ZNF385B: variants seen among roughly 807,000 people sequenced by gnomAD.
ZNF385B encodes the protein zinc finger protein 533.
A neutral mutation model predicts 39.2 loss-of-function variants in ZNF385B; 23 were observed. That is an observed-to-expected ratio of 0.59 (90% CI 0.42 to 0.83). The LOEUF (loss-of-function observed/expected upper bound fraction) is 0.83. ZNF385B is among the 40% of genes least tolerant of loss of function. The pLI is 0.00. For synonymous variants in ZNF385B, 205 were observed against 222.6 expected, an observed-to-expected ratio of 0.92 and a Z score of 0.70; for missense variants, 552 against 598.9, an observed-to-expected ratio of 0.92 and a Z score of 0.82.
At chr2:179,771,427 A>C (rs1322725872) in intron 1 of ZNF385B, among the ~76,000 whole-genome samples, 1 of 152,198 alleles carries the variant, frequency 6.6e-6, no homozygotes, top group Non-Finnish European at 1.5e-5. Context: ...TGCAAAACCT[A>C]CTTGTCCCTT....
intron 3 of ZNF385B, among the ~76,000 whole-genome samples, chr2:179,559,330 T>C (rs1461350769): frequency 1.3e-5 from 2 of 148,768 alleles, no homozygotes; most frequent in Non-Finnish European, 3.0e-5. Context: ...AAAAGGTCTC[T>C]AGTGGGTATT....
At position 179,767,104 on chromosome 2, in the gene ZNF385B, C is replaced by T. The variant is rs151216522; in HGVS notation, c.298+2399G>A. 7.4e-4 allele frequency among the ~76,000 whole-genome samples: 113 copies of T among 152,328 alleles called. No individual in the cohort carries two copies. The East Asian group carries it at 0.019, about 25-fold the overall frequency. The stretch of plus-strand genomic sequence containing the variant: ...ACTAACACAGTGTGGAAGAAAGAGG[C>T]ACATACAGTCAAGGAATGAAGGCTT... On this transcript the variant is annotated intron_variant, in intron 3 of 9. Transcript: ENST00000410066.
intron 1 of ZNF385B, among the ~76,000 whole-genome samples, chr2:179,773,687 C>A (rs1385972): frequency 6.6e-6 from 1 of 152,044 alleles, no homozygotes; most frequent in South Asian, 2.1e-4. Context: ...GAGGGCAAGA[C>A]GCCAGGGAGA....
At chr2:179,545,206 A>G (rs1313576902) in intron 3 of ZNF385B, among the ~76,000 whole-genome samples, 1 of 152,194 alleles carries the variant, frequency 6.6e-6, no homozygotes, top group Non-Finnish European at 1.5e-5. Context: ...GCTCAGATTC[A>G]GCCAGGACAC....
intron 5 of ZNF385B, among the ~76,000 whole-genome samples, chr2:179,502,122 C>T (rs1025273818): frequency 2.6e-5 from 4 of 152,244 alleles, no homozygotes; most frequent in Admixed American, 2.6e-4. Flanking sequence ...GGAATGGCAG[C>T]ATTTATCCAA....
intron 5 of ZNF385B, among the ~76,000 whole-genome samples, chr2:179,514,479 G>T (rs2057937028): frequency 6.6e-6 from 1 of 152,140 alleles, no homozygotes; most frequent in Non-Finnish European, 1.5e-5. Flanking sequence ...ATTAGGATAT[G>T]GGCATCTTTG....
At chr2:179,838,593 C>A (rs1708375822) in intron 1 of ZNF385B, among the ~76,000 whole-genome samples, 1 of 152,066 alleles carries the variant, frequency 6.6e-6, no homozygotes, top group Non-Finnish European at 1.5e-5. Flanking sequence ...GTTGCCATTT[C>A]CAAAACAAGA....
intron 3 of ZNF385B, among the ~76,000 whole-genome samples, chr2:179,647,800 C>T (rs908834757): frequency 6.6e-6 from 1 of 152,142 alleles, no homozygotes; most frequent in Non-Finnish European, 1.5e-5. Context: ...GTGGTCTAAG[C>T]CACTTTTTTT....
chr2:179,450,994 G>A lies in ZNF385B; in HGVS notation c.716-4224C>T, dbSNP rs373625762. Among the ~76,000 whole-genome samples, 970 of 149,650 alleles carry A rather than the reference G, an allele frequency of 6.5e-3. 5 individuals are homozygous for A. The highest frequency in any genetic ancestry group is 8.3e-3 in the Non-Finnish European group (565 of 67,680). On this transcript the variant is annotated intron_variant, in intron 6 of 9. Transcript: ENST00000410066. The stretch of plus-strand genomic sequence containing the variant: ...AAACCATCATTCTCAGCAAACTATC[G>A]CAAGGACAAAAAACCAAACACCACA...
intron 7 of ZNF385B, 88 bp downstream of exon 7, chr2:179,446,437 G>C (rs1396412237): frequency 5.3e-6 from 8 of 1,510,970 alleles, no homozygotes; most frequent in South Asian, 1.4e-5. Context: ...ACAAACCTAA[G>C]GTCTGAACAA....
At chr2:179,463,024 A>C (rs946336839) in intron 6 of ZNF385B, among the ~76,000 whole-genome samples, 4 of 152,188 alleles carry the variant, frequency 2.6e-5, no homozygotes, top group African/African-American at 4.8e-5. Context: ...ATATATAATA[A>C]AAAGTTATAT....
chr2:179,651,563 G>A (rs986914000), intron 3 of ZNF385B, among the ~76,000 whole-genome samples: 5 of 152,054 alleles, frequency 3.3e-5, no homozygotes, highest in African/African-American at 1.2e-4. Flanking sequence ...CTGTTTCCCA[G>A]TTACTTGAAT....
intron 1 of ZNF385B, among the ~76,000 whole-genome samples, chr2:179,822,713 C>CA (rs1479266550): frequency 6.6e-6 from 1 of 152,156 alleles, no homozygotes; most frequent in Non-Finnish European, 1.5e-5. Flanking sequence ...AGTGAAAGGC[C>CA]AAAGAGCCCA....
chr2:179,735,993 C>T (rs1288894575), intron 3 of ZNF385B, among the ~76,000 whole-genome samples: 1 of 149,856 alleles, frequency 6.7e-6, no homozygotes, highest in African/African-American at 2.5e-5. Flanking sequence ...GTAACCTGCA[C>T]AATGTGCACA....
At chr2:179,714,877 G>C (rs1455024502) in intron 3 of ZNF385B, among the ~76,000 whole-genome samples, 1 of 146,306 alleles carries the variant, frequency 6.8e-6, no homozygotes, top group Non-Finnish European at 1.5e-5. Context: ...CCGGGAGGTA[G>C]AGGTTGCTGT....
At chr2:179,695,692 A>C (rs2106352551) in intron 3 of ZNF385B, among the ~76,000 whole-genome samples, 1 of 152,344 alleles carries the variant, frequency 6.6e-6, no homozygotes, top group African/African-American at 2.4e-5. Flanking sequence ...AAGTCAAATA[A>C]TAAGTTTTCA....
intron 3 of ZNF385B, among the ~76,000 whole-genome samples, chr2:179,596,203 A>G (rs1533385): frequency 0.77 from 117,109 of 152,022 alleles, 45,776 homozygotes; most frequent in Middle Eastern, 0.85. Flanking sequence ...TCTGCTTAGG[A>G]TGTCACAGGC....
chr2:179,760,433 G>T (rs556184258), intron 3 of ZNF385B, among the ~76,000 whole-genome samples: 2 of 152,140 alleles, frequency 1.3e-5, no homozygotes, highest in African/African-American at 4.8e-5. Flanking sequence ...CATACAGTAT[G>T]TTACTTTGGG....
chr2:179,764,986 T>C (rs1703604610), intron 3 of ZNF385B, among the ~76,000 whole-genome samples: 1 of 152,210 alleles, frequency 6.6e-6, no homozygotes. Flanking sequence ...ACTAGAACTA[T>C]ACCATCAATT....
Sources: gnomAD v4.1 joint callset for allele counts (sites outside exome capture counted in the v4.1 genomes callset) on GRCh38, gnomAD v4.1.1 for gene constraint, MANE v1.5 for transcripts, NCBI Gene and HGNC (gene_info 2026-07-23, HGNC 2026-07-21) for gene names.